The following COLEC12 variants were observed in gnomAD, a reference collection of about 807,000 sequenced individuals.
The protein encoded by COLEC12 is collectin subfamily member 12.
In COLEC12, 33 loss-of-function variants were observed where a neutral mutation model predicts 71.1. The observed-to-expected ratio is 0.46, with a 90% confidence interval of 0.35 to 0.62. The LOEUF (loss-of-function observed/expected upper bound fraction) is 0.62. Among genes scored for constraint, COLEC12 ranks in the 20% least tolerant of loss-of-function variants. The probability of loss-of-function intolerance (pLI) is 0.00; values close to 1 mark genes in which losing one functional copy is unlikely to be tolerated. For missense variants in COLEC12, 765 were observed against 916.1 expected, an observed-to-expected ratio of 0.84 and a Z score of 2.13; for synonymous variants, 350 against 353.0, an observed-to-expected ratio of 0.99 and a Z score of 0.10.
intron 2 of COLEC12, among the ~76,000 whole-genome samples, chr18:406,546 A>G (rs2143626846): frequency 1.3e-5 from 2 of 150,130 alleles, no homozygotes; most frequent in Middle Eastern, 7.1e-3. Flanking sequence ...AAAAAGGGCA[A>G]CCAGCAGCTC....
intron 2 of COLEC12, among the ~76,000 whole-genome samples, chr18:479,400 G>A (rs187946499): frequency 2.6e-5 from 4 of 152,300 alleles, no homozygotes; most frequent in Admixed American, 1.3e-4. Context: ...TAATGCAGAC[G>A]TGTGTGTCCA....
intron 2 of COLEC12, among the ~76,000 whole-genome samples, chr18:377,622 T>C (rs1915142141): frequency 6.6e-6 from 1 of 152,192 alleles, no homozygotes; most frequent in South Asian, 2.1e-4. Context: ...TTGGGAGAAG[T>C]GCGCTGGGCT....
intron 2 of COLEC12, among the ~76,000 whole-genome samples, chr18:405,595 T>A (rs1383803515): frequency 2.0e-5 from 3 of 152,146 alleles, no homozygotes; most frequent in African/African-American, 4.8e-5. Flanking sequence ...GTTCCCCCAG[T>A]AGGGTGGGGC....
intron 2 of COLEC12, among the ~76,000 whole-genome samples, chr18:411,147 C>T (rs918075824): frequency 6.6e-6 from 1 of 152,162 alleles, no homozygotes; most frequent in Non-Finnish European, 1.5e-5. Context: ...ACTCAGGTAT[C>T]AATGGAGATC....
chr18:329,139 G>A (rs1357106018), intron 8 of COLEC12, among the ~76,000 whole-genome samples: 1 of 152,148 alleles, frequency 6.6e-6, no homozygotes, highest in East Asian at 1.9e-4. Flanking sequence ...GGTACCAAGC[G>A]GGTGCGCTCC....
intron 2 of COLEC12, among the ~76,000 whole-genome samples, chr18:376,187 C>T (rs1258564701): frequency 6.6e-6 from 1 of 152,176 alleles, no homozygotes; most frequent in African/African-American, 2.4e-5. Context: ...GGCTGGTCCA[C>T]CCCAGGGGGT....
intron 2 of COLEC12, among the ~76,000 whole-genome samples, chr18:421,296 C>A (rs918791816): frequency 1.7e-4 from 26 of 152,196 alleles, no homozygotes; most frequent in African/African-American, 6.3e-4. Context: ...AGGTATGACT[C>A]ATTCCTATCT....
intron 1 of COLEC12, among the ~76,000 whole-genome samples, chr18:488,262 T>C (rs779831629): frequency 2.3e-4 from 35 of 151,286 alleles, no homozygotes; most frequent in Non-Finnish European, 4.0e-4. Context: ...AATACAAAAA[T>C]TAGCCGGGCA....
intron 1 of COLEC12, among the ~76,000 whole-genome samples, chr18:498,985 G>C (rs547022099): frequency 1.3e-5 from 2 of 152,320 alleles, no homozygotes; most frequent in East Asian, 3.9e-4. Context: ...GATGGAGTGG[G>C]TAGGTGGTTA....
intron 8 of COLEC12, among the ~76,000 whole-genome samples, chr18:324,601 G>T (rs578071774): frequency 3.9e-5 from 6 of 152,244 alleles, no homozygotes; most frequent in Admixed American, 3.3e-4. Flanking sequence ...GGCCGAGGTG[G>T]GTGGATCACC....
intron 2 of COLEC12, among the ~76,000 whole-genome samples, chr18:455,678 T>A (rs1234552851): frequency 6.7e-6 from 1 of 149,354 alleles, no homozygotes; most frequent in Non-Finnish European, 1.5e-5. Flanking sequence ...CCTGGGTGTG[T>A]GACATTCCCC....
At chr18:474,740 T>C (rs1053103218) in intron 2 of COLEC12, among the ~76,000 whole-genome samples, 1 of 152,202 alleles carries the variant, frequency 6.6e-6, no homozygotes, top group Non-Finnish European at 1.5e-5. Flanking sequence ...GAATCTCTTT[T>C]GCACTGAGTT....
At chr18:350,885 G>C (rs950685926) in intron 3 of COLEC12, among the ~76,000 whole-genome samples, 16 of 151,460 alleles carry the variant, frequency 1.1e-4, no homozygotes, top group African/African-American at 3.6e-4. Flanking sequence ...GCTTGAACCT[G>C]GGAAGTGGAG....
intron 9 of COLEC12, 57 bp from the exon 10 acceptor site, chr18:320,121 G>A (rs374732502): frequency 8.0e-6 from 8 of 996,582 alleles, no homozygotes; most frequent in Non-Finnish European, 1.2e-5. Context: ...AAGTTAATGT[G>A]CAATTCAAAA....
chr18:379,154 G>C (rs536631371), intron 2 of COLEC12, among the ~76,000 whole-genome samples: 20 of 151,372 alleles, frequency 1.3e-4, no homozygotes, highest in Admixed American at 3.3e-4. Flanking sequence ...ACAGGGTCTT[G>C]CTCTGTCACC....
At chr18:479,974 T>A (rs2143770441) in intron 2 of COLEC12, among the ~76,000 whole-genome samples, 1 of 152,366 alleles carries the variant, frequency 6.6e-6, no homozygotes, top group African/African-American at 2.4e-5. Flanking sequence ...CTTGCATTTT[T>A]AGCTTCTAAT....
In COLEC12 at chr18:470,220, A is replaced by ATTTTTTTT. The variant is rs71174234; in HGVS notation, c.58+10479_58+10486dup. Among the ~76,000 whole-genome samples the ATTTTTTTT allele has an allele frequency of 1.6e-3, 151 of 92,374 alleles. 9 individuals are homozygous for ATTTTTTTT. The highest frequency in any genetic ancestry group is 6.4e-3 in the African/African-American group (145 of 22,834). 60.6% of individuals were successfully genotyped at this position (92,374 alleles called of 152,430 possible). On this transcript the variant is annotated intron_variant, in intron 2 of 9. Transcript: ENST00000400256. ...TAGGTGGATCACTTGAGGCCAGGAA[A>ATTTTTTTT]TTTTTTTTTTTTTTTTTTTTTTTTT... is the stretch of plus-strand genomic sequence containing the variant.
At position 438,803 on chromosome 18, in the gene COLEC12, A is replaced by C. The variant is rs978078106; in HGVS notation, c.58+41904T>G. 7.0e-4 allele frequency among the ~76,000 whole-genome samples: 12 copies of C among 17,092 alleles called. No homozygotes were observed. The South Asian group carries it at 0.062, about 88-fold the overall frequency. 11.2% of individuals were successfully genotyped at this position (17,092 alleles called of 152,430 possible). ...GGGCGACAGAATAAGACCTTGTCTC[A>C]AAAAAAAAAAAAAAAATACTCATTT... On this transcript the variant is annotated intron_variant, in intron 2 of 9. Coordinates refer to ENST00000400256, the MANE Select transcript of COLEC12 (RefSeq NM_130386.3).
intron 8 of COLEC12, among the ~76,000 whole-genome samples, chr18:324,608 C>T (rs1913792484): frequency 6.6e-6 from 1 of 152,146 alleles, no homozygotes; most frequent in Non-Finnish European, 1.5e-5. Context: ...GTGGGTGGAT[C>T]ACCTGAGGTC....
Sources: gnomAD v4.1 joint callset for allele counts (sites outside exome capture counted in the v4.1 genomes callset) on GRCh38, gnomAD v4.1.1 for gene constraint, MANE v1.5 for transcripts, NCBI Gene and HGNC (gene_info 2026-07-23, HGNC 2026-07-21) for gene names.